The following RHOBTB1 variants were observed in gnomAD, a reference collection of about 807,000 sequenced individuals.
RHOBTB1 encodes the protein Rho related BTB domain containing 1.
In RHOBTB1, 40 loss-of-function variants were observed where a neutral mutation model predicts 71.6. The observed-to-expected ratio is 0.56, with a 90% CI of 0.43 to 0.73. The LOEUF is 0.73. Ranked by LOEUF, RHOBTB1 falls within the 30% of genes least tolerant of loss-of-function variation. RHOBTB1 has a pLI of 0.00. For synonymous variants in RHOBTB1, 319 were observed against 334.9 expected (o/e 0.95, Z 0.52); for missense variants, 797 against 894.0 (o/e 0.89, Z 1.38).
chr10:60,867,651 C>G (rs1022252186), downstream of RHOBTB1, among the ~76,000 whole-genome samples: 2 of 152,222 alleles, frequency 1.3e-5, no homozygotes, highest in African/African-American at 2.4e-5. Flanking sequence ...CTATAAATAT[C>G]TAACTGATGA....
At chr10:60,969,065 C>A (rs1185456671) in intron 2 of RHOBTB1, among the ~76,000 whole-genome samples, 2 of 152,042 alleles carry the variant, frequency 1.3e-5, no homozygotes, top group African/African-American at 2.4e-5. Context: ...GTTAGGATTT[C>A]ACTTACTGAG....
intron 7 of RHOBTB1, among the ~76,000 whole-genome samples, chr10:60,878,802 G>A (rs1432706596): frequency 6.6e-6 from 1 of 152,218 alleles, no homozygotes; most frequent in Non-Finnish European, 1.5e-5. Flanking sequence ...CAGAGAGCCA[G>A]GCACTGCCTG....
rs928643132 is a variant in RHOBTB1, at chr10:60,882,416, T to C, written c.1575+3696A>G. 5.3e-5 allele frequency among the ~76,000 whole-genome samples: 8 copies of C among 152,162 alleles called. No individual in the cohort carries two copies. In the South Asian group the frequency reaches 1.5e-3, roughly 28 times the overall value. On this transcript the variant is annotated intron_variant, in intron 7 of 10. Coordinates refer to ENST00000337910, the MANE Select transcript of RHOBTB1 (RefSeq NM_014836.5). ...CATGCATTTTTAATGAACCACTTGC[T>C]GAGTACCTCTGGGGAGAGAATTATG...
At chr10:60,920,900 T>C (rs1302800630) in intron 2 of RHOBTB1, among the ~76,000 whole-genome samples, 1 of 151,682 alleles carries the variant, frequency 6.6e-6, no homozygotes, top group East Asian at 1.9e-4. Context: ...CAAGCGATCC[T>C]CCCACCTTGG....
upstream of RHOBTB1, among the ~76,000 whole-genome samples, chr10:60,944,786 C>A (rs1347494534): frequency 5.3e-5 from 8 of 152,214 alleles, no homozygotes; most frequent in Non-Finnish European, 1.2e-4. Flanking sequence ...CCTCCCTGGG[C>A]GGCTGCACGT....
chr10:60,898,817 T>C (rs2082276317), intron 4 of RHOBTB1, among the ~76,000 whole-genome samples: 1 of 152,212 alleles, frequency 6.6e-6, no homozygotes, highest in Non-Finnish European at 1.5e-5. Flanking sequence ...GGAAGCAATA[T>C]TTTAAACCAG....
downstream of RHOBTB1, among the ~76,000 whole-genome samples, chr10:60,866,735 C>T (rs754638260): frequency 2.0e-5 from 3 of 152,036 alleles, no homozygotes; most frequent in Admixed American, 2.0e-4. Context: ...TAGAAAGGGT[C>T]ACCCTTTCTT....
At chr10:60,931,678 AC>A (rs1169318265) in intron 2 of RHOBTB1, among the ~76,000 whole-genome samples, 2 of 152,176 alleles carry the variant, frequency 1.3e-5, no homozygotes. Context: ...ATTTTTGATA[AC>A]ACATAAATTG....
intron 7 of RHOBTB1, among the ~76,000 whole-genome samples, chr10:60,882,253 T>A (rs10994559): frequency 0.049 from 7,454 of 151,632 alleles, 265 homozygotes; most frequent in East Asian, 0.096. Flanking sequence ...CCCTAAACAA[T>A]GTTCTATCTT....
intron 2 of RHOBTB1, among the ~76,000 whole-genome samples, chr10:60,924,626 C>T (rs999862231): frequency 6.6e-6 from 1 of 152,180 alleles, no homozygotes; most frequent in Non-Finnish European, 1.5e-5. Context: ...CAGACTTAGT[C>T]TGCACTATAG....
intron 4 of RHOBTB1, among the ~76,000 whole-genome samples, chr10:60,905,573 G>GAA (rs113334669): frequency 4.0e-5 from 6 of 150,730 alleles, no homozygotes; most frequent in African/African-American, 9.8e-5. Flanking sequence ...GAGGCAGAAG[G>GAA]GAAAAAAAAA....
chr10:60,973,219 A>G (rs1195453231), intron 2 of RHOBTB1, among the ~76,000 whole-genome samples: 1 of 152,092 alleles, frequency 6.6e-6, no homozygotes, highest in East Asian at 1.9e-4. Flanking sequence ...AAAGGTTCTC[A>G]TCTGTTAAAC....
chr10:60,994,161 G>C (rs1049827320), intron 1 of RHOBTB1, among the ~76,000 whole-genome samples: 1 of 152,110 alleles, frequency 6.6e-6, no homozygotes, highest in Admixed American at 6.5e-5. Context: ...TATTTGTTGA[G>C]TATCTGTGAA....
intron 4 of RHOBTB1, among the ~76,000 whole-genome samples, chr10:60,909,434 C>G (rs1015191049): frequency 1.3e-5 from 2 of 151,952 alleles, no homozygotes; most frequent in African/African-American, 2.4e-5. Flanking sequence ...TTTCCATTAA[C>G]TCATCATCAG....
chr10:60,890,951 A>G (rs2081887057), intron 5 of RHOBTB1, among the ~76,000 whole-genome samples: 1 of 152,320 alleles, frequency 6.6e-6, no homozygotes, highest in South Asian at 2.1e-4. Context: ...TGTAGAAGGC[A>G]CTGTCCCCTC....
downstream of RHOBTB1, among the ~76,000 whole-genome samples, chr10:60,868,588 C>T (rs951811923): frequency 1.3e-5 from 2 of 152,196 alleles, no homozygotes; most frequent in African/African-American, 4.8e-5. Flanking sequence ...ACTTTTGCTT[C>T]TGAGTGTCCA....
At chr10:60,915,423 A>G (rs2083217628) in intron 2 of RHOBTB1, among the ~76,000 whole-genome samples, 1 of 152,090 alleles carries the variant, frequency 6.6e-6, no homozygotes, top group Non-Finnish European at 1.5e-5. Flanking sequence ...TACATACCTG[A>G]GGAGACAAGG....
chr10:60,946,937 A>G (rs2085258080), upstream of RHOBTB1, among the ~76,000 whole-genome samples: 1 of 152,222 alleles, frequency 6.6e-6, no homozygotes, highest in Admixed American at 6.5e-5. Flanking sequence ...TATCAACAGT[A>G]ATTCAGATAG....
chr10:60,898,205 G>A (rs1196373676), intron 4 of RHOBTB1, among the ~76,000 whole-genome samples: 1 of 151,950 alleles, frequency 6.6e-6, no homozygotes, highest in African/African-American at 2.4e-5. Context: ...TCTTTTCTTT[G>A]TCACTGTGCA....
Sources: allele counts gnomAD v4.1 joint callset (sites outside exome capture counted in the v4.1 genomes callset), GRCh38; gene constraint gnomAD v4.1.1; transcripts MANE v1.5; gene names NCBI Gene and HGNC (gene_info 2026-07-23, HGNC 2026-07-21).